GRM7: variants seen among roughly 807,000 people sequenced by gnomAD.
GRM7 encodes glutamate metabotropic receptor 7.
In GRM7, 35 loss-of-function variants were observed where a neutral mutation model predicts 84.5. That is an observed-to-expected ratio of 0.41 (90% CI 0.32 to 0.55). The LOEUF is 0.55. Ranked by LOEUF, GRM7 falls within the 20% of genes least tolerant of loss-of-function variation. The pLI is 0.19. For missense variants in GRM7, 1,003 were observed against 1,194.6 expected (o/e 0.84, Z 2.36); for synonymous variants, 487 against 455.1 (o/e 1.07, Z -0.89).
At chr3:7,037,425 C>T (rs985163134) in intron 1 of GRM7, among the ~76,000 whole-genome samples, 8 of 152,146 alleles carry the variant, frequency 5.3e-5, no homozygotes, top group Non-Finnish European at 1.0e-4. Context: ...CTGCTTGTGT[C>T]TCTGTTTCCT....
chr3:6,903,181 C>T (rs1057361716), intron 1 of GRM7, among the ~76,000 whole-genome samples: 7 of 150,478 alleles, frequency 4.7e-5, no homozygotes, highest in African/African-American at 7.3e-5. Flanking sequence ...GTATATGATC[C>T]ATCTATTTCC....
At chr3:7,177,074 T>C (rs1478246740) in intron 2 of GRM7, among the ~76,000 whole-genome samples, 4 of 152,202 alleles carry the variant, frequency 2.6e-5, no homozygotes, top group Non-Finnish European at 5.9e-5. Flanking sequence ...TTTGCTCATT[T>C]TGTTCCCATT....
chr3:7,712,600 G>T (rs1036574), intron 9 of GRM7, among the ~76,000 whole-genome samples: 46,267 of 151,490 alleles, frequency 0.31, 7,712 homozygotes, highest in East Asian at 0.71. Context: ...TCTCACCTTT[G>T]TTAAGTATTT....
intron 7 of GRM7, among the ~76,000 whole-genome samples, chr3:7,513,745 T>C (rs1238618074): frequency 6.6e-6 from 1 of 152,154 alleles, no homozygotes; most frequent in Non-Finnish European, 1.5e-5. Context: ...GATATGCCCA[T>C]AATAATAAAA....
chr3:6,959,833 T>A lies in GRM7; in HGVS notation c.519+97926T>A, dbSNP rs550952967. On this transcript the variant is annotated intron_variant, in intron 1 of 9. Coordinates refer to ENST00000357716, the MANE Select transcript of GRM7 (RefSeq NM_000844.4). ...CGTATGGTGATTTTAAAATGTGGTG[T>A]CTCTACTGGGAGGTTAGTTTTTTTC... 9.7e-4 allele frequency among the ~76,000 whole-genome samples: 148 copies of A among 152,292 alleles called. 1 individual carries two copies. Among genetic ancestry groups the A allele is most frequent in the African/African-American group, 3.4e-3 (142 of 41,558 alleles).
intron 1 of GRM7, among the ~76,000 whole-genome samples, chr3:7,078,716 A>G (rs1390024906): frequency 6.6e-6 from 1 of 152,282 alleles, no homozygotes; most frequent in Non-Finnish European, 1.5e-5. Context: ...GTCATTGCAA[A>G]TTGTTTAACT....
chr3:7,561,817 AT>A (rs1296988358), intron 7 of GRM7, among the ~76,000 whole-genome samples: 16 of 152,138 alleles, frequency 1.1e-4, no homozygotes, highest in Non-Finnish European at 2.2e-4. Flanking sequence ...GTCTAATTGA[AT>A]TTTTAAATAT....
intron 8 of GRM7, 154 bp downstream of exon 8, chr3:7,579,511 A>G (rs139325577): frequency 7.0e-5 from 39 of 560,258 alleles, no homozygotes; most frequent in Non-Finnish European, 8.1e-5. Flanking sequence ...GTAGGCTTCA[A>G]TGCTACAAGA....
intron 2 of GRM7, among the ~76,000 whole-genome samples, chr3:7,171,122 T>G (rs751212083): frequency 6.6e-6 from 1 of 152,162 alleles, no homozygotes; most frequent in African/African-American, 2.4e-5. Flanking sequence ...GGACTCACAT[T>G]CCTGAAGTCT....
chr3:7,237,292 T>C (rs1487777445), intron 2 of GRM7, among the ~76,000 whole-genome samples: 1 of 152,210 alleles, frequency 6.6e-6, no homozygotes, highest in African/African-American at 2.4e-5. Context: ...CTTTAAGCAG[T>C]CCTTCTATTA....
intron 2 of GRM7, among the ~76,000 whole-genome samples, chr3:7,272,197 C>T (rs1179882275): frequency 6.6e-6 from 1 of 152,102 alleles, no homozygotes; most frequent in Non-Finnish European, 1.5e-5. Context: ...TGTTCTTTGA[C>T]ATTTTTACAG....
intron 2 of GRM7, among the ~76,000 whole-genome samples, chr3:7,176,867 C>A (rs1695168188): frequency 6.6e-6 from 1 of 152,208 alleles, no homozygotes; most frequent in Admixed American, 6.5e-5. Flanking sequence ...CAGGAATCAG[C>A]TTTATTCATG....
chr3:7,421,256 A>G (rs921215511), intron 5 of GRM7, among the ~76,000 whole-genome samples: 3 of 152,214 alleles, frequency 2.0e-5, no homozygotes, highest in Middle Eastern at 3.2e-3. Flanking sequence ...TTAATTGCCA[A>G]TTATTCCACT....
intron 7 of GRM7, among the ~76,000 whole-genome samples, chr3:7,565,158 C>A (rs907422477): frequency 1.3e-5 from 2 of 152,096 alleles, no homozygotes; most frequent in African/African-American, 4.8e-5. Flanking sequence ...AATTATGGAT[C>A]CTTTCATCAT....
At chr3:6,874,174 A>G (rs1237675217) in intron 1 of GRM7, among the ~76,000 whole-genome samples, 1 of 152,206 alleles carries the variant, frequency 6.6e-6, no homozygotes, top group East Asian at 1.9e-4. Flanking sequence ...ATCCTTCTAA[A>G]GCACTAGGCA....
In GRM7 at chr3:7,306,601, G is replaced by A. The variant is rs771695147; in HGVS notation, c.982G>A (p.Asp328Asn). The A allele has an allele frequency of 1.9e-6, 3 of 1,613,486 alleles. No individual in the cohort carries two copies. The highest frequency in any genetic ancestry group is 2.2e-5 in the South Asian group (2 of 91,018). ...AATAAACCCACTGCACCAGCATGAA[G>A]ATATCGCAGAAGGGGCCATCACCAT... ...SKINPLHQHE[D>N]IAEGAITIQP... The change falls in exon 4 of 10, where the codon GAT (aspartate) becomes AAT (asparagine). Residue 328 changes from aspartate to asparagine, a missense_variant. By Grantham distance (23) the Asp-to-Asn change is conservative (BLOSUM62 1). Transcript: ENST00000357716.
At chr3:7,496,884 T>C (rs891313157) in intron 7 of GRM7, among the ~76,000 whole-genome samples, 5 of 152,022 alleles carry the variant, frequency 3.3e-5, no homozygotes, top group African/African-American at 1.2e-4. Flanking sequence ...AAATGTTAAT[T>C]GGTGAAAGGA....
chr3:7,175,036 G>C (rs530318698), intron 2 of GRM7, among the ~76,000 whole-genome samples: 20 of 152,272 alleles, frequency 1.3e-4, no homozygotes, highest in Admixed American at 3.9e-4. Flanking sequence ...TAAGGAGCGA[G>C]ATCAGGCCCA....
intron 9 of GRM7, chr3:7,690,981 A>T (rs911762678): frequency 8.2e-5 from 28 of 341,532 alleles, no homozygotes; most frequent in Non-Finnish European, 1.3e-4. Flanking sequence ...CCAATATTCA[A>T]GAGAGGTGAC....
Sources: allele counts gnomAD v4.1 joint callset (sites outside exome capture counted in the v4.1 genomes callset), GRCh38; gene constraint gnomAD v4.1.1; transcripts MANE v1.5; gene names NCBI Gene and HGNC (gene_info 2026-07-23, HGNC 2026-07-21).